Variants in MCPH1 observed in about 807,000 individuals in gnomAD.
The protein encoded by MCPH1 is microcephalin.
MCPH1 carries 104 observed loss-of-function variants against 84.5 expected under a neutral mutation model. That is an observed-to-expected ratio of 1.23 (90% CI 1.05 to 1.45). The LOEUF is 1.45. MCPH1 is among the 40% of genes most tolerant of loss of function. The pLI is 0.00. For missense variants in MCPH1, 1,498 were observed against 1,005.7 expected (o/e 1.49, Z -6.62); for synonymous variants, 514 against 366.8 (o/e 1.40, Z -4.58).
Position 6,580,807 on chromosome 8 carries a change from C to A in MCPH1, c.2215-40647C>A, listed in dbSNP as rs114467573. Among the ~76,000 whole-genome samples the A allele has an allele frequency of 1.5e-3, 227 of 152,304 alleles. 2 individuals carry two copies. The highest frequency in any genetic ancestry group is 5.3e-3 in the African/African-American group (221 of 41,562). ...GTTAGTGCATCCCTTAAATACAAGT[C>A]TTCTGCTTCCTATTCCTGTAAATAA... is the stretch of plus-strand genomic sequence containing the variant. On this transcript the variant is annotated intron_variant, in intron 12 of 13. Transcript: ENST00000344683.
intron 11 of MCPH1, among the ~76,000 whole-genome samples, chr8:6,482,017 C>T (rs986648234): frequency 2.0e-5 from 3 of 152,192 alleles, no homozygotes; most frequent in Non-Finnish European, 4.4e-5. Context: ...GGATGTGAAT[C>T]GTCCTTCAGT....
At chr8:6,640,263 G>A (rs1797859010) in intron 13 of MCPH1, among the ~76,000 whole-genome samples, 1 of 151,952 alleles carries the variant, frequency 6.6e-6, no homozygotes, top group Non-Finnish European at 1.5e-5. Context: ...TGTGCCCTAG[G>A]ATATGTGTAC....
At chr8:6,599,519 G>A (rs779382751) in intron 12 of MCPH1, among the ~76,000 whole-genome samples, 1 of 152,210 alleles carries the variant, frequency 6.6e-6, no homozygotes, top group Non-Finnish European at 1.5e-5. Context: ...TTGGAATGGA[G>A]ACAAAAACCT....
chr8:6,446,149 A>G (rs1804334427), intron 8 of MCPH1: 3 of 912,296 alleles, frequency 3.3e-6, no homozygotes, highest in Non-Finnish European at 3.9e-6. Context: ...GCATCACTTG[A>G]AAAGGTTTAC....
At chr8:6,521,618 A>T (rs1267267700) in intron 12 of MCPH1, among the ~76,000 whole-genome samples, 1 of 152,252 alleles carries the variant, frequency 6.6e-6, no homozygotes, top group Non-Finnish European at 1.5e-5. Flanking sequence ...GTATAAGCAT[A>T]TATGTATGTA....
chr8:6,605,159 C>A (rs532741376), intron 12 of MCPH1, among the ~76,000 whole-genome samples: 51 of 152,256 alleles, frequency 3.3e-4, no homozygotes, highest in African/African-American at 1.2e-3. Flanking sequence ...TGACACCCAG[C>A]CCCGCTCTTG....
intron 13 of MCPH1, among the ~76,000 whole-genome samples, chr8:6,631,148 A>C (rs946761634): frequency 2.0e-5 from 3 of 152,226 alleles, no homozygotes; most frequent in Non-Finnish European, 4.4e-5. Flanking sequence ...CCCAGTTCCC[A>C]GTTCCCTTCC....
At chr8:6,496,050 C>T (rs555142551) in intron 11 of MCPH1, among the ~76,000 whole-genome samples, 26 of 152,294 alleles carry the variant, frequency 1.7e-4, no homozygotes, top group African/African-American at 5.8e-4. Context: ...AAGCACATTA[C>T]ACTTATTGTA....
chr8:6,577,046 C>CTGG (rs913572357), intron 12 of MCPH1, among the ~76,000 whole-genome samples: 10 of 152,178 alleles, frequency 6.6e-5, no homozygotes, highest in Non-Finnish European at 8.8e-5. Context: ...ATTCCTGCCA[C>CTGG]TGGAATTACG....
intron 8 of MCPH1, among the ~76,000 whole-genome samples, chr8:6,451,861 C>G (rs146952669): frequency 8.3e-4 from 126 of 152,250 alleles, no homozygotes; most frequent in African/African-American, 3.0e-3. Flanking sequence ...GATTATTCAG[C>G]CTTCAGAAGC....
Position 6,621,657 on chromosome 8 carries a change from C to T in MCPH1, c.2418C>T (p.Ala806=). The T allele has an allele frequency of 1.2e-6, 2 of 1,613,964 alleles. No individual in the cohort carries two copies. Among genetic ancestry groups the T allele is most frequent in the Non-Finnish European group, 1.7e-6 (2 of 1,179,986 alleles). The change falls in exon 13 of 14, where the codon GCC becomes GCT. Residue 806 remains alanine, a synonymous_variant. Coordinates refer to ENST00000344683, the MANE Select transcript of MCPH1 (RefSeq NM_024596.5). ...VIGPYSGKKK[A]TVKYLSEKWV... is the part of the protein sequence containing the mutation. ...GGCCCTACAGCGGAAAGAAGAAAGC[C>T]ACAGTCAAGTATCTGTCTGAGAAAT...
intron 12 of MCPH1, chr8:6,616,672 A>G (rs1393778133): frequency 6.6e-6 from 1 of 152,194 alleles, no homozygotes; most frequent in Non-Finnish European, 1.5e-5. Flanking sequence ...CCTCAACTAC[A>G]TGTATACATC....
intron 12 of MCPH1, chr8:6,514,924 T>C (rs1290429252): frequency 6.5e-6 from 4 of 618,552 alleles, no homozygotes; most frequent in South Asian, 2.1e-5. Context: ...CCATCGGGGT[T>C]GTCTAAGAAA....
At chr8:6,505,494 T>C (rs1191407598) in intron 12 of MCPH1, among the ~76,000 whole-genome samples, 1 of 4,622 alleles carries the variant, frequency 2.2e-4, no homozygotes, top group African/African-American at 5.3e-4. Flanking sequence ...ATATATATTC[T>C]TTATATATGT....
chr8:6,625,128 G>A (rs1831933722), intron 13 of MCPH1: 1 of 918,086 alleles, frequency 1.1e-6, no homozygotes, highest in African/African-American at 1.8e-5. Context: ...TCCTGCCTCG[G>A]CCTCCCAAAG....
chr8:6,567,391 G>A (rs989807439), intron 12 of MCPH1, among the ~76,000 whole-genome samples: 2 of 152,214 alleles, frequency 1.3e-5, no homozygotes, highest in African/African-American at 2.4e-5. Context: ...TAGTGCACAC[G>A]GTGCAGTGAC....
chr8:6,624,210 C>A (rs1187582365), intron 13 of MCPH1, among the ~76,000 whole-genome samples: 1 of 152,282 alleles, frequency 6.6e-6, no homozygotes, highest in Non-Finnish European at 1.5e-5. Context: ...TCAGAGTTCT[C>A]TGACTTCCAG....
At chr8:6,627,774 C>G (rs2912062) in intron 13 of MCPH1, among the ~76,000 whole-genome samples, 38,851 of 151,922 alleles carry the variant, frequency 0.26, 5,131 homozygotes, top group Non-Finnish European at 0.3. Flanking sequence ...GCCTATAGTT[C>G]CAGCTACATG....
chr8:6,626,908 C>A (rs1268022691), intron 13 of MCPH1: 1 of 984,288 alleles, frequency 1.0e-6, no homozygotes, highest in East Asian at 1.1e-4. Context: ...CTTTTATTGT[C>A]TGGGCTCCAT....
Sources: allele counts gnomAD v4.1 joint callset (sites outside exome capture counted in the v4.1 genomes callset), GRCh38; gene constraint gnomAD v4.1.1; transcripts MANE v1.5; gene names NCBI Gene and HGNC (gene_info 2026-07-23, HGNC 2026-07-21).